Variants in CTDSPL observed in about 807,000 individuals in gnomAD.
CTDSPL encodes CTD small phosphatase like.
Under a neutral mutation model 30.5 loss-of-function variants are expected in CTDSPL, and 8 were observed. The observed-to-expected ratio is 0.26, with a 90% CI of 0.15 to 0.47. The LOEUF is 0.47. Among genes scored for constraint, CTDSPL ranks in the 20% least tolerant of loss-of-function variants. CTDSPL has a pLI of 0.99. For missense variants in CTDSPL, 248 were observed against 366.1 expected, an observed-to-expected ratio of 0.68 and a Z score of 2.63; for synonymous variants, 110 against 137.9, an observed-to-expected ratio of 0.80 and a Z score of 1.42.
intron 1 of CTDSPL, among the ~76,000 whole-genome samples, chr3:37,874,623 G>A (rs1698112932): frequency 1.3e-5 from 2 of 152,110 alleles, no homozygotes; most frequent in South Asian, 4.1e-4. Flanking sequence ...CCAGCTGCTC[G>A]GGAGGCTGAG....
chr3:37,876,370 TAG>T (rs1698134433), intron 1 of CTDSPL, among the ~76,000 whole-genome samples: 1 of 152,202 alleles, frequency 6.6e-6, no homozygotes, highest in African/African-American at 2.4e-5. Flanking sequence ...ACAATCAAGA[TAG>T]AGAGTATTTC....
intron 3 of CTDSPL, among the ~76,000 whole-genome samples, chr3:37,960,422 G>A (rs1039747151): frequency 1.4e-5 from 2 of 140,290 alleles, no homozygotes; most frequent in Non-Finnish European, 3.0e-5. Flanking sequence ...GGAGGTTGCG[G>A]TGTGCTGAGA....
intron 1 of CTDSPL, among the ~76,000 whole-genome samples, chr3:37,864,794 ATTTTGTTTT>A: frequency 1.3e-5 from 2 of 152,138 alleles, no homozygotes; most frequent in South Asian, 4.2e-4. Context: ...TGAGATAATT[ATTTTGTTTT>A]AAAAATATTG....
chr3:37,944,736 C>T (rs1023932730), intron 1 of CTDSPL: 1 of 150,392 alleles, frequency 6.6e-6, no homozygotes, highest in Non-Finnish European at 1.5e-5. Context: ...AATCCTGGAA[C>T]CTCCCACAGC....
chr3:37,941,539 G>A lies in CTDSPL; in HGVS notation c.80-5518G>A, dbSNP rs148065086. Among the ~76,000 whole-genome samples the A allele has an allele frequency of 2.8e-3, 420 of 148,826 alleles. 8 individuals are homozygous for A. Among genetic ancestry groups the A allele is most frequent in the African/African-American group, 8.6e-3 (355 of 41,102 alleles). ...TGAGTAGCTGGGATTACAGGGGCCC[G>A]CCACCACACTCCGCTAATTTTTGTA... On this transcript the variant is annotated intron_variant, in intron 1 of 7. Coordinates refer to ENST00000273179, the MANE Select transcript of CTDSPL (RefSeq NM_001008392.2).
chr3:37,923,652 G>A (rs75379130), intron 1 of CTDSPL, among the ~76,000 whole-genome samples: 275 of 152,252 alleles, frequency 1.8e-3, no homozygotes, highest in African/African-American at 6.1e-3. Context: ...TTATAAAGCC[G>A]TATACTGTTG....
chr3:37,866,334 A>G (rs1042296260), intron 1 of CTDSPL, among the ~76,000 whole-genome samples: 1 of 152,210 alleles, frequency 6.6e-6, no homozygotes, highest in Admixed American at 6.5e-5. Flanking sequence ...AAAAAATCAC[A>G]CATACACACA....
chr3:37,928,173 T>C (rs550064581), intron 1 of CTDSPL, among the ~76,000 whole-genome samples: 65 of 152,368 alleles, frequency 4.3e-4, no homozygotes, highest in African/African-American at 1.5e-3. Context: ...TTATTGTAAA[T>C]AGTGCTGCAG....
intron 1 of CTDSPL, among the ~76,000 whole-genome samples, chr3:37,902,253 G>A (rs1698458938): frequency 6.6e-6 from 1 of 152,148 alleles, no homozygotes; most frequent in African/African-American, 2.4e-5. Flanking sequence ...CAGTGTCTAT[G>A]CCAGCAAGTC....
intron 1 of CTDSPL, among the ~76,000 whole-genome samples, chr3:37,916,937 G>T (rs1698656571): frequency 6.6e-6 from 1 of 152,172 alleles, no homozygotes; most frequent in Non-Finnish European, 1.5e-5. Flanking sequence ...GTCACTGGCA[G>T]TTTGGGTAGT....
chr3:37,975,855 C>T lies in CTDSPL; in HGVS notation c.666C>T (p.Asp222=). Residue 222 remains aspartate (D), a synonymous_variant, in exon 7 of 8, where the codon GAC becomes GAT. Coordinates refer to ENST00000273179, the MANE Select transcript of CTDSPL (RefSeq NM_001008392.2). This position sits in a 1 kb window ranked among gnomAD's most constrained non-coding sequence, Gnocchi z 4.9. ...GRELSKVIIV[D]NSPASYIFHP... is the part of the protein sequence containing the mutation. ...AGCTGAGCAAAGTGATCATTGTTGACAATTCCCCTGCCTCATACATCTTCC... is the reference window on the plus strand; with the variant it reads ...AGCTGAGCAAAGTGATCATTGTTGATAATTCCCCTGCCTCATACATCTTCC... The T allele has an allele frequency of 1.2e-6, 2 of 1,614,154 alleles. No individual in the cohort carries two copies.
chr3:37,899,991 C>T (rs1698431137), intron 1 of CTDSPL, among the ~76,000 whole-genome samples: 1 of 152,180 alleles, frequency 6.6e-6, no homozygotes. Flanking sequence ...TAGGTCATGT[C>T]ATTCCATTTT....
At chr3:37,948,867 G>T (rs532461658) in intron 2 of CTDSPL, among the ~76,000 whole-genome samples, 18 of 130,288 alleles carry the variant, frequency 1.4e-4, no homozygotes, top group Non-Finnish European at 2.5e-4. Flanking sequence ...AGGCCGGACT[G>T]CGGACTGCAG....
At chr3:37,944,320 G>A (rs1454502429) in intron 1 of CTDSPL, among the ~76,000 whole-genome samples, 2 of 150,316 alleles carry the variant, frequency 1.3e-5, no homozygotes, top group African/African-American at 4.8e-5. Context: ...TTATGATCAA[G>A]TCAGATATAC....
intron 1 of CTDSPL, among the ~76,000 whole-genome samples, chr3:37,869,858 T>C (rs1698053348): frequency 1.3e-5 from 2 of 152,168 alleles, no homozygotes; most frequent in South Asian, 4.1e-4. Flanking sequence ...TCTGCAACAA[T>C]TAGTCTAATC....
At chr3:37,896,489 G>A (rs1698391670) in intron 1 of CTDSPL, among the ~76,000 whole-genome samples, 1 of 152,162 alleles carries the variant, frequency 6.6e-6, no homozygotes, top group Non-Finnish European at 1.5e-5. Context: ...GAGACATCAT[G>A]TCTTTCAGTG....
chr3:37,868,016 TA>T (rs1301584793), intron 1 of CTDSPL, among the ~76,000 whole-genome samples: 1 of 152,204 alleles, frequency 6.6e-6, no homozygotes, highest in Non-Finnish European at 1.5e-5. Context: ...GTACATATGA[TA>T]TTTTATATGC....
chr3:37,880,631 T>G (rs1049586729), intron 1 of CTDSPL, among the ~76,000 whole-genome samples: 1 of 152,214 alleles, frequency 6.6e-6, no homozygotes, highest in African/African-American at 2.4e-5. Context: ...AGAAAGAATT[T>G]GTAGTAAAGG....
intron 1 of CTDSPL, among the ~76,000 whole-genome samples, chr3:37,916,327 G>A (rs868712281): frequency 1.4e-4 from 22 of 152,172 alleles, no homozygotes; most frequent in Middle Eastern, 6.8e-3. Flanking sequence ...TTTTTTTACT[G>A]TGGTGCTTTT....
Sources: allele counts gnomAD v4.1 joint callset (sites outside exome capture counted in the v4.1 genomes callset), GRCh38; gene constraint gnomAD v4.1.1; non-coding constraint Gnocchi (gnomAD v3.1); transcripts MANE v1.5; gene names NCBI Gene and HGNC (gene_info 2026-07-23, HGNC 2026-07-21).